The following PCDHA3 variants were observed in gnomAD, a reference collection of about 807,000 sequenced individuals.
The protein encoded by PCDHA3 is protocadherin alpha-3.
In PCDHA3, 41 loss-of-function variants were observed where a neutral mutation model predicts 62.2. The observed-to-expected ratio is 0.66, with a 90% CI of 0.51 to 0.86. The LOEUF is 0.86. Ranked by LOEUF, PCDHA3 falls within the 40% of genes least tolerant of loss-of-function variation. The pLI, the probability that PCDHA3 is intolerant of heterozygous loss-of-function variation, is 0.00. For synonymous variants in PCDHA3, 640 were observed against 555.4 expected, an observed-to-expected ratio of 1.15 and a Z score of -2.14; for missense variants, 1,304 against 1,241.2, an observed-to-expected ratio of 1.05 and a Z score of -0.76.
chr5:140,953,641 G>A (rs246029), intron 1 of PCDHA3, among the ~76,000 whole-genome samples: 85,647 of 151,972 alleles, frequency 0.56, 24,761 homozygotes, highest in African/African-American at 0.69. Context: ...TTTTGGCCAG[G>A]AGCTATAGTT....
chr5:140,977,464 T>C (rs1245985019), intron 1 of PCDHA3, among the ~76,000 whole-genome samples: 1 of 152,256 alleles, frequency 6.6e-6, no homozygotes, highest in Non-Finnish European at 1.5e-5. Flanking sequence ...TGATTTGGTC[T>C]GTAGATAATT....
intron 1 of PCDHA3, chr5:140,830,157 CA>C (rs2150182159): frequency 1.2e-6 from 2 of 1,613,406 alleles, no homozygotes; most frequent in South Asian, 2.2e-5. Context: ...GCCGCGGGCC[CA>C]GAGGCGGCGC....
chr5:140,983,629 T>C (rs2097059537), intron 3 of PCDHA3, among the ~76,000 whole-genome samples: 1 of 152,228 alleles, frequency 6.6e-6, no homozygotes, highest in African/African-American at 2.4e-5. Flanking sequence ...TTAAGAAATG[T>C]ACCCAAGTTC....
intron 1 of PCDHA3, chr5:140,828,260 G>A (rs2150153212): frequency 6.8e-6 from 11 of 1,614,030 alleles, no homozygotes; most frequent in Non-Finnish European, 7.6e-6. Flanking sequence ...GCTGGAGCTG[G>A]CGGAGCTGGT....
At chr5:140,871,187 T>C in intron 1 of PCDHA3, 1 of 1,613,626 alleles carries the variant, frequency 6.2e-7, no homozygotes, top group Non-Finnish European at 8.5e-7. Flanking sequence ...CTGGTGGATG[T>C]CAACGTGTAC....
intron 1 of PCDHA3, among the ~76,000 whole-genome samples, chr5:140,941,374 T>C (rs1188935172): frequency 6.7e-6 from 1 of 148,216 alleles, no homozygotes; most frequent in African/African-American, 2.5e-5. Flanking sequence ...TGGAGTGTAG[T>C]GACAGGATTT....
intron 3 of PCDHA3, among the ~76,000 whole-genome samples, chr5:140,986,653 A>T (rs61089397): frequency 0.012 from 1,845 of 152,236 alleles, 43 homozygotes; most frequent in African/African-American, 0.043. Context: ...AGAGTGGGAG[A>T]TGCTCACAGT....
At chr5:140,814,732 A>G (rs1021205164) in intron 1 of PCDHA3, 1 of 152,210 alleles carries the variant, frequency 6.6e-6, no homozygotes, top group African/African-American at 2.4e-5. Flanking sequence ...TTTCAGCTCC[A>G]TTATAATCTT....
intron 1 of PCDHA3, chr5:140,823,929 C>T (rs2150130451): frequency 1.5e-5 from 24 of 1,613,840 alleles, no homozygotes; most frequent in Non-Finnish European, 1.9e-5. Context: ...TGCTGTACAC[C>T]GCGCTGCGGT....
chr5:140,954,909 T>C (rs1309101151), intron 1 of PCDHA3, among the ~76,000 whole-genome samples: 3 of 152,164 alleles, frequency 2.0e-5, no homozygotes, highest in Admixed American at 6.5e-5. Flanking sequence ...TTTCATACTT[T>C]TATGAATTAC....
At position 140,835,900 on chromosome 5, in the gene PCDHA3, G is replaced by A. The variant is rs1580826433; in HGVS notation, c.2394+32309G>A. The A allele has an allele frequency of 4.3e-6, 7 of 1,612,152 alleles. No individual in the cohort carries two copies. The East Asian group carries it at 1.6e-4, about 36-fold the overall frequency. ...CGGGTGGGCGAGCGCGCGCTGTCGA[G>A]CTACGTGTCAGTGCACGCGGAGAGC... On this transcript the variant is annotated intron_variant, in intron 1 of 3. Coordinates refer to ENST00000522353, the MANE Select transcript of PCDHA3 (RefSeq NM_018906.3).
intron 1 of PCDHA3, chr5:140,809,651 T>G (rs1238154320): frequency 1.8e-5 from 27 of 1,495,556 alleles, no homozygotes; most frequent in Admixed American, 2.3e-5. Flanking sequence ...TTTCTAAGAG[T>G]CAAATTTCCC....
intron 1 of PCDHA3, chr5:140,809,400 C>A (rs781909645): frequency 1.2e-6 from 2 of 1,614,032 alleles, no homozygotes; most frequent in Admixed American, 1.7e-5. Context: ...GGCAAGCCCA[C>A]GCTGGTGTGC....
At chr5:141,006,622 T>C (rs555577523) in intron 3 of PCDHA3, among the ~76,000 whole-genome samples, 21 of 152,132 alleles carry the variant, frequency 1.4e-4, no homozygotes, top group Non-Finnish European at 7.3e-5. Flanking sequence ...AAGGAGACTA[T>C]TGCTGCAATT....
In PCDHA3 at chr5:140,848,635, G is replaced by A; in HGVS notation, c.2394+45044G>A. 2.5e-6 allele frequency: 4 copies of A among 1,593,292 alleles called. 1 individual carries two copies. Among genetic ancestry groups the A allele is most frequent in the Admixed American group, 1.7e-5 (1 of 59,228 alleles). On this transcript the variant is annotated intron_variant, in intron 1 of 3. Transcript: ENST00000522353. ...GCCGAACACGGCACCTTCGTGGGCC[G>A]CATCGCGCAGGACCTGGGGCTGGAG...
intron 1 of PCDHA3, among the ~76,000 whole-genome samples, chr5:140,886,264 A>T (rs1471846282): frequency 3.3e-5 from 5 of 151,982 alleles, no homozygotes; most frequent in Admixed American, 3.3e-4. Flanking sequence ...CTATTTATAG[A>T]TAAAATTTTT....
chr5:140,862,602 C>T (rs2047444114), intron 1 of PCDHA3: 2 of 514,424 alleles, frequency 3.9e-6, no homozygotes, highest in South Asian at 3.0e-5. Flanking sequence ...ACATGGTGTT[C>T]GTGAAAGGTA....
intron 1 of PCDHA3, chr5:140,807,795 A>T: frequency 6.2e-7 from 1 of 1,614,158 alleles, no homozygotes; most frequent in Non-Finnish European, 8.5e-7. Flanking sequence ...TTAGACAGAG[A>T]AGAAGCTCCG....
Position 140,883,565 on chromosome 5 carries a change from C to T in PCDHA3, c.2394+79974C>T, listed in dbSNP as rs139159217. On this transcript the variant is annotated intron_variant, in intron 1 of 3. Transcript: ENST00000522353. ...GGTGACCGCGCGGGACGGGGGCTCG[C>T]CTTCGCTGTGGGCCACGGCCAGCGT... is the stretch of plus-strand genomic sequence containing the variant. 6.5e-5 allele frequency: 105 copies of T among 1,614,180 alleles called. 1 individual carries two copies. In the African/African-American group the frequency reaches 1.3e-3, roughly 20 times the overall value.
Sources: gnomAD v4.1 joint callset for allele counts (sites outside exome capture counted in the v4.1 genomes callset) on GRCh38, gnomAD v4.1.1 for gene constraint, MANE v1.5 for transcripts, NCBI Gene and HGNC (gene_info 2026-07-23, HGNC 2026-07-21) for gene names.